The following C10orf90 variants were observed in gnomAD, a reference collection of about 807,000 sequenced individuals.
C10orf90 encodes the protein (E2-independent) E3 ubiquitin-conjugating enzyme FATS.
A neutral mutation model predicts 62.5 loss-of-function variants in C10orf90; 56 were observed. That is an observed-to-expected ratio of 0.90 (90% CI 0.72 to 1.12). C10orf90 has a LOEUF of 1.12. Among genes scored for constraint, C10orf90 ranks in the 50% most tolerant of loss-of-function variants. The pLI is 0.00. For synonymous variants in C10orf90, 386 were observed against 340.4 expected (o/e 1.13, Z -1.47); for missense variants, 970 against 880.4 (o/e 1.10, Z -1.29).
In C10orf90 at chr10:126,474,321, C is replaced by A. The variant is rs1009563303; in HGVS notation, c.1535-9335G>T. ...TGGCCCATCAAGTCTCCACTCTAGA[C>A]GAGTCACCTCACTCAGGATTACATC... On this transcript the variant is annotated intron_variant, in intron 4 of 9. Coordinates refer to ENST00000488181, the MANE Select transcript of C10orf90 (RefSeq NM_001350921.2). Among the ~76,000 whole-genome samples the A allele has an allele frequency of 5.9e-5, 9 of 152,274 alleles. No homozygotes were observed. The East Asian group carries it at 1.7e-3, about 29-fold the overall frequency.
intron 2 of C10orf90, among the ~76,000 whole-genome samples, chr10:126,569,642 G>T (rs1263335142): frequency 6.6e-6 from 1 of 152,198 alleles, no homozygotes; most frequent in Non-Finnish European, 1.5e-5. Flanking sequence ...GAAAGAGGGT[G>T]TGTCTTGGGA....
chr10:126,467,008 T>A (rs1347670016), intron 4 of C10orf90, among the ~76,000 whole-genome samples: 1 of 152,196 alleles, frequency 6.6e-6, no homozygotes, highest in African/African-American at 2.4e-5. Context: ...AAAAACCAAA[T>A]TAGTTATCAG....
chr10:126,592,794 T>C (rs1845007251), intron 2 of C10orf90, among the ~76,000 whole-genome samples: 1 of 152,148 alleles, frequency 6.6e-6, no homozygotes, highest in Non-Finnish European at 1.5e-5. Flanking sequence ...AGTCTCTCCA[T>C]CTGACAAAGG....
intron 2 of C10orf90, among the ~76,000 whole-genome samples, chr10:126,599,549 G>C (rs762491056): frequency 2.0e-5 from 3 of 151,634 alleles, no homozygotes; most frequent in Non-Finnish European, 4.4e-5. Context: ...AGGAAGGATC[G>C]GAAGACAGAG....
chr10:126,492,651 G>A (rs1296172124), intron 4 of C10orf90, among the ~76,000 whole-genome samples: 1 of 152,158 alleles, frequency 6.6e-6, no homozygotes, highest in Admixed American at 6.5e-5. Flanking sequence ...ATGAAATACA[G>A]ATGTACAACA....
chr10:126,446,103 A>G (rs1398073275), intron 7 of C10orf90, among the ~76,000 whole-genome samples: 4 of 152,194 alleles, frequency 2.6e-5, no homozygotes, highest in South Asian at 2.1e-4. Flanking sequence ...AATCACCGCT[A>G]AAGTATGTAC....
At chr10:126,589,363 C>T (rs1035932240) in intron 2 of C10orf90, among the ~76,000 whole-genome samples, 11 of 152,204 alleles carry the variant, frequency 7.2e-5, no homozygotes, top group African/African-American at 2.6e-4. Context: ...GACAACCCCA[C>T]TAAGATACTC....
At position 126,425,898 on chromosome 10, in the gene C10orf90, A is replaced by G; in HGVS notation, c.2357T>C (p.Leu786Ser). 6.2e-7 allele frequency: 1 copy of G among 1,614,100 alleles called. No individual in the cohort carries two copies. The highest frequency in any genetic ancestry group is 8.5e-7 in the Non-Finnish European group (1 of 1,180,006). The change falls in exon 10 of 10, where the codon TTA (leucine) becomes TCA (serine). Residue 786 changes from leucine to serine, a missense_variant. Transcript: ENST00000488181. Reference sequence around the variant, plus strand: ...ATTCCTTTGAAGGAGCTGGTCCAGTAATTGCTAGAGGAAAAGGGAAACAAA... The same window carrying G: ...ATTCCTTTGAAGGAGCTGGTCCAGTGATTGCTAGAGGAAAAGGGAAACAAA... ...RLRAEVFKKQ[L>S]LDQLLQRNAV is the part of the protein sequence containing the mutation.
chr10:126,642,375 A>G (rs1336845850), intron 2 of C10orf90, among the ~76,000 whole-genome samples: 1 of 152,110 alleles, frequency 6.6e-6, no homozygotes, highest in Non-Finnish European at 1.5e-5. Context: ...TACTAAAAAT[A>G]CAAAAAATTA....
intron 2 of C10orf90, among the ~76,000 whole-genome samples, chr10:126,558,836 G>T (rs1864837062): frequency 6.6e-6 from 1 of 152,258 alleles, no homozygotes. Context: ...CTTGTACTCT[G>T]GATCCCCAGG....
intron 2 of C10orf90, among the ~76,000 whole-genome samples, chr10:126,581,036 G>C (rs1251940478): frequency 6.6e-6 from 1 of 152,146 alleles, no homozygotes; most frequent in East Asian, 1.9e-4. Context: ...TCCAACCAGA[G>C]AAGGCACTCA....
chr10:126,513,577 C>G (rs1863262155), intron 3 of C10orf90, among the ~76,000 whole-genome samples: 1 of 152,138 alleles, frequency 6.6e-6, no homozygotes, highest in South Asian at 2.1e-4. Context: ...TGGCATAATT[C>G]TCCCTCTCTT....
chr10:126,538,008 TG>T (rs1462565107), intron 2 of C10orf90, among the ~76,000 whole-genome samples: 1 of 152,128 alleles, frequency 6.6e-6, no homozygotes, highest in Non-Finnish European at 1.5e-5. Flanking sequence ...AGGCAAGGAT[TG>T]GGGTGATTGT....
chr10:126,579,839 T>G (rs1406850125), intron 2 of C10orf90, among the ~76,000 whole-genome samples: 1 of 152,154 alleles, frequency 6.6e-6, no homozygotes, highest in Non-Finnish European at 1.5e-5. Flanking sequence ...TTAACCCATA[T>G]TCATTCTCAG....
At chr10:126,617,633 C>G (rs774945343) in intron 2 of C10orf90, among the ~76,000 whole-genome samples, 35 of 152,348 alleles carry the variant, frequency 2.3e-4, no homozygotes, top group Admixed American at 9.2e-4. Flanking sequence ...CATTCTCCAC[C>G]ACTGTGTCTC....
intron 2 of C10orf90, among the ~76,000 whole-genome samples, chr10:126,583,516 A>G (rs1442566233): frequency 6.6e-6 from 1 of 152,222 alleles, no homozygotes; most frequent in Non-Finnish European, 1.5e-5. Context: ...CATATTTATG[A>G]GATTGAACAC....
rs74452649 is a variant in C10orf90 at position 126,621,319 on chromosome 10, T to C, written c.313+25246A>G. Reference sequence around the variant, plus strand: ...GTGTTTCCTAGTTACATCTCCTTTTTGTTCTTTGTACATTGATACAACAAG... The same window carrying C: ...GTGTTTCCTAGTTACATCTCCTTTTCGTTCTTTGTACATTGATACAACAAG... On this transcript the variant is annotated intron_variant, in intron 2 of 9. Coordinates refer to ENST00000488181, the MANE Select transcript of C10orf90 (RefSeq NM_001350921.2). Among the ~76,000 whole-genome samples the C allele has an allele frequency of 4.4e-3, 676 of 152,382 alleles. 8 individuals are homozygous for C. Among genetic ancestry groups the C allele is most frequent in the African/African-American group, 0.015 (612 of 41,598 alleles).
At chr10:126,589,714 T>C (rs897424203) in intron 2 of C10orf90, among the ~76,000 whole-genome samples, 4 of 152,124 alleles carry the variant, frequency 2.6e-5, no homozygotes, top group Admixed American at 6.5e-5. Flanking sequence ...AAGCACTAAA[T>C]ATGGAAAGGA....
intron 7 of C10orf90, among the ~76,000 whole-genome samples, chr10:126,458,016 C>T (rs973387898): frequency 8.5e-5 from 13 of 152,086 alleles, no homozygotes; most frequent in Admixed American, 5.9e-4. Flanking sequence ...GGGAAGGATG[C>T]ATTCAAATTC....
Sources: allele counts gnomAD v4.1 joint callset (sites outside exome capture counted in the v4.1 genomes callset), GRCh38; gene constraint gnomAD v4.1.1; transcripts MANE v1.5; gene names NCBI Gene and HGNC (gene_info 2026-07-23, HGNC 2026-07-21).